Variants in ITIH5 observed in about 807,000 individuals in gnomAD.
ITIH5 encodes the protein inter-alpha-trypsin inhibitor heavy chain 5, also known as inter-alpha-trypsin inhibitor heavy chain H5.
Under a neutral mutation model 77.5 loss-of-function variants are expected in ITIH5, and 65 were observed. That is an observed-to-expected ratio of 0.84 (90% CI 0.69 to 1.03). The LOEUF (loss-of-function observed/expected upper bound fraction) is 1.03, where lower values mean the gene tolerates loss of function less well. Among genes scored for constraint, ITIH5 ranks in the 50% least tolerant of loss-of-function variants. The pLI, the probability that ITIH5 is intolerant of heterozygous loss-of-function variation, is 0.00. For synonymous variants in ITIH5, 525 were observed against 494.3 expected, an observed-to-expected ratio of 1.06 and a Z score of -0.82; for missense variants, 1,208 against 1,213.1, an observed-to-expected ratio of 1.00 and a Z score of 0.06.
intron 7 of ITIH5, among the ~76,000 whole-genome samples, chr10:7,592,550 G>C (rs1332804519): frequency 6.6e-6 from 1 of 152,164 alleles, no homozygotes; most frequent in African/African-American, 2.4e-5. Context: ...AAGAGACAGA[G>C]AGGTTCTGTT....
intron 12 of ITIH5, chr10:7,569,411 A>G (rs928548562): frequency 5.3e-6 from 2 of 379,622 alleles, no homozygotes. Flanking sequence ...TGTGAGGCCA[A>G]GAGAGTGTTC....
rs780920717 is a variant in ITIH5, at chr10:7,666,909, G to A, written c.-17C>T. 2.5e-6 allele frequency: 4 copies of A among 1,571,906 alleles called. No homozygotes were observed. The South Asian group carries it at 3.4e-5, about 14-fold the overall frequency. On this transcript the variant is annotated 5_prime_UTR_variant, in exon 1 of 14. Transcript: ENST00000397146. ...CAGGAGCATGGCGGGGCGAGGGCGCGGGACGCTCGGGGACCCGGCGGGACA... is the reference window on the plus strand; with the variant it reads ...CAGGAGCATGGCGGGGCGAGGGCGCAGGACGCTCGGGGACCCGGCGGGACA...
Position 7,566,083 on chromosome 10 carries a change from C to T in ITIH5, c.2474G>A (p.Gly825Asp). The T allele has an allele frequency of 6.2e-7, 1 of 1,614,154 alleles. No homozygotes were observed. The highest frequency in any genetic ancestry group is 8.5e-7 in the Non-Finnish European group (1 of 1,180,030). ...KPAPFQRHHL[G>D]FYIANSEGLS... ...GCCCTCGCTGTTGGCAATGTAGAAACCCAGGTGGTGTCGCTGGAAGGGCGC... is the reference window on the plus strand; with the variant it reads ...GCCCTCGCTGTTGGCAATGTAGAAATCCAGGTGGTGTCGCTGGAAGGGCGC... Residue 825 changes from glycine to aspartate, a missense_variant, in exon 13 of 14, where the codon GGT (glycine) becomes GAT (aspartate). Gly to Asp is a moderately conservative substitution (Grantham distance 94, BLOSUM62 -1). Coordinates refer to ENST00000397146, the MANE Select transcript of ITIH5 (RefSeq NM_030569.7).
intron 8 of ITIH5, among the ~76,000 whole-genome samples, chr10:7,581,937 G>T (rs150727352): frequency 7.0e-6 from 1 of 143,884 alleles, no homozygotes. Context: ...ATGCAGTGGC[G>T]TGATCTTGGC....
chr10:7,563,418 C>A, intron 13 of ITIH5, 34 bp from the exon 14 acceptor site: 2 of 1,589,972 alleles, frequency 1.3e-6, no homozygotes, highest in South Asian at 1.1e-5. Context: ...GGGTCTCAGT[C>A]AAATGCAGAA....
chr10:7,574,726 G>A (rs1221954737), intron 10 of ITIH5, among the ~76,000 whole-genome samples: 1 of 148,662 alleles, frequency 6.7e-6, no homozygotes, highest in East Asian at 2.0e-4. Context: ...CTGGGAGGCA[G>A]AGCTTGCAGT....
intron 7 of ITIH5, 80 bp from the exon 8 acceptor site, chr10:7,586,149 C>T (rs11255207): frequency 1.6e-5 from 20 of 1,272,350 alleles, no homozygotes; most frequent in Non-Finnish European, 1.9e-5. Context: ...CCGCCCCCGC[C>T]CCCCAGGAAA....
chr10:7,663,712 A>G (rs1289863676), intron 1 of ITIH5, among the ~76,000 whole-genome samples: 1 of 152,170 alleles, frequency 6.6e-6, no homozygotes, highest in Admixed American at 6.5e-5. Context: ...TAACAACTCT[A>G]TATTGCAGAT....
chr10:7,635,395 TA>T (rs1833783045), intron 5 of ITIH5, among the ~76,000 whole-genome samples: 2 of 152,230 alleles, frequency 1.3e-5, no homozygotes, highest in South Asian at 4.1e-4. Flanking sequence ...TTGCATTTTT[TA>T]CAAGGTTACA....
intron 1 of ITIH5, 100 bp downstream of exon 1, chr10:7,666,703 G>C: frequency 1.1e-6 from 1 of 888,382 alleles, no homozygotes; most frequent in Non-Finnish European, 1.7e-6. Flanking sequence ...GGGGGCCTGG[G>C]AGACGGTCGA....
chr10:7,637,035 G>T (rs1833809136), intron 5 of ITIH5, among the ~76,000 whole-genome samples, 193 bp downstream of exon 5: 1 of 152,088 alleles, frequency 6.6e-6, no homozygotes, highest in Non-Finnish European at 1.5e-5. Context: ...TGGCGACAGA[G>T]GACTTCGTCT....
intron 2 of ITIH5, among the ~76,000 whole-genome samples, chr10:7,651,609 A>AAATAAT (rs113525747): frequency 1.1e-4 from 17 of 151,332 alleles, no homozygotes; most frequent in African/African-American, 3.7e-4. Flanking sequence ...CTCTGTCTCA[A>AAATAAT]AATAATAATA....
chr10:7,580,375 C>T (rs1832525892), intron 8 of ITIH5, among the ~76,000 whole-genome samples: 1 of 152,222 alleles, frequency 6.6e-6, no homozygotes, highest in Non-Finnish European at 1.5e-5. Flanking sequence ...CCACCTTGGC[C>T]TCCCAAAGTG....
Position 7,560,930 on chromosome 10 carries a change from C to T in ITIH5, c.*2153G>A, listed in dbSNP as rs190827732. On this transcript the variant is annotated 3_prime_UTR_variant, in exon 14 of 14. Coordinates refer to ENST00000397146, the MANE Select transcript of ITIH5 (RefSeq NM_030569.7). Reference sequence around the variant, plus strand: ...GCACTCTCTGCCTCAGTTTCCCTATCTGGGAAGATTTTCTGGACAACAGAA... The same window carrying T: ...GCACTCTCTGCCTCAGTTTCCCTATTTGGGAAGATTTTCTGGACAACAGAA... 6.4e-4 allele frequency: 96 copies of T among 150,358 alleles called. No homozygotes were observed. The highest frequency in any genetic ancestry group is 4.5e-3 in the Admixed American group (67 of 14,964). 9.3% of individuals were successfully genotyped at this position (150,358 alleles called of 1,614,324 possible). A position where few individuals can be genotyped will look rare whatever the true frequency, so the allele number is the denominator to read the frequency against.
At chr10:7,591,387 C>A (rs926053429) in intron 7 of ITIH5, among the ~76,000 whole-genome samples, 1 of 152,172 alleles carries the variant, frequency 6.6e-6, no homozygotes, top group East Asian at 1.9e-4. Context: ...TCCTTCCCCG[C>A]CTTCCTGACA....
Position 7,640,796 on chromosome 10 carries a change from T to C in ITIH5, c.359A>G (p.Asp120Gly). 1 of 1,613,342 alleles carries C rather than the reference T, an allele frequency of 6.2e-7. No individual in the cohort carries two copies. The highest frequency in any genetic ancestry group is 8.5e-7 in the Non-Finnish European group (1 of 1,179,294). ...TTTATTCCTTTTCTCTTTTACCCTA[T>C]CACCACTCTTCTTTTCTCTCTCTGT... Reference protein sequence around the residue: ...EITEREKKSGDRVKEKRNKTT... With the variant: ...EITEREKKSGGRVKEKRNKTT... Residue 120 changes from aspartate to glycine, a missense_variant, in exon 4 of 14, where the codon GAT (aspartate) becomes GGT (glycine). By Grantham distance (94) the Asp-to-Gly change is moderately conservative. Transcript: ENST00000397146.
At position 7,586,031 on chromosome 10, in the gene ITIH5, T is replaced by C. The variant is rs563768058; in HGVS notation, c.978A>G (p.Arg326=). ...DALFTILHDL[R]PQDRFSIIGF... ...CAATGATACTGAAACGGTCCTGGGGTCGGAGGTCATGGAGAATTGTGAAGA... is the reference window on the plus strand; with the variant it reads ...CAATGATACTGAAACGGTCCTGGGGCCGGAGGTCATGGAGAATTGTGAAGA... The change falls in exon 8 of 14, where the codon CGA becomes CGG. Residue 326 remains arginine, a synonymous_variant. Coordinates refer to ENST00000397146, the MANE Select transcript of ITIH5 (RefSeq NM_030569.7). 2.0e-5 allele frequency: 33 copies of C among 1,613,588 alleles called. No homozygotes were observed. In the African/African-American group the frequency reaches 3.3e-4, roughly 16 times the overall value.
rs1292588958 is a variant in ITIH5, at chr10:7,640,744, C to T, written c.401+10G>A. On this transcript the variant is annotated intron_variant, in intron 4 of 13. Coordinates refer to ENST00000397146, the MANE Select transcript of ITIH5 (RefSeq NM_030569.7). ...ATGGGTTTTTAATTCCTTAATTAAC[C>T]AATACTTACCCATTTTCTTCTGTGG... 3 of 1,572,796 alleles carry T rather than the reference C, an allele frequency of 1.9e-6. No individual in the cohort carries two copies. The highest frequency in any genetic ancestry group is 1.4e-5 in the African/African-American group (1 of 73,972).
At chr10:7,573,254 G>C in intron 10 of ITIH5, 59 bp from the exon 11 acceptor site, 2 of 1,442,504 alleles carry the variant, frequency 1.4e-6, no homozygotes, top group Non-Finnish European at 1.9e-6. Flanking sequence ...GAAGAGAGAG[G>C]TGCAAAGGGA....
Sources: gnomAD v4.1 joint callset for allele counts (sites outside exome capture counted in the v4.1 genomes callset) on GRCh38, gnomAD v4.1.1 for gene constraint, MANE v1.5 for transcripts, NCBI Gene and HGNC (gene_info 2026-07-23, HGNC 2026-07-21) for gene names.